The following PPP1R42 variants were observed in gnomAD, a reference collection of about 807,000 sequenced individuals.
PPP1R42 encodes leucine rich repeat containing 67.
A neutral mutation model predicts 31.0 loss-of-function variants in PPP1R42; 34 were observed. The ratio of observed to expected loss-of-function variants is 1.10; its 90% confidence interval spans 0.83 to 1.46. The LOEUF (loss-of-function observed/expected upper bound fraction) is 1.46, where lower values mean the gene tolerates loss of function less well. PPP1R42 is among the 40% of genes most tolerant of loss of function. The pLI is 0.00. For synonymous variants in PPP1R42, 103 were observed against 109.8 expected (o/e 0.94, Z 0.39); for missense variants, 268 against 303.0 (o/e 0.88, Z 0.86).
In PPP1R42 at chr8:66,970,985, T is replaced by C. The variant is rs569324354; in HGVS notation, c.803-6651A>G. 84 of 1,519,902 alleles carry C rather than the reference T, an allele frequency of 5.5e-5. No individual in the cohort carries two copies. The Middle Eastern group carries it at 6.7e-4, about 12-fold the overall frequency. 94.2% of individuals were successfully genotyped at this position (1,519,902 alleles called of 1,614,324 possible). A position where few individuals can be genotyped will look rare whatever the true frequency, so the allele number is the denominator to read the frequency against. ...TAAATATTTGAAAGAACCTACCCCA[T>C]CTCTTAAATAATTTTAGTGTAATCT... On this transcript the variant is annotated intron_variant, in intron 7 of 7. Transcript: ENST00000685739.
At position 67,003,094 on chromosome 8, in the gene PPP1R42, A is replaced by T. The variant is rs559712549; in HGVS notation, c.552+7621T>A. Among the ~76,000 whole-genome samples the T allele has an allele frequency of 1.4e-4, 20 of 143,596 alleles. No homozygotes were observed. The East Asian group carries it at 4.2e-3, about 30-fold the overall frequency. 94.2% of individuals were successfully genotyped at this position (143,596 alleles called of 152,430 possible). On this transcript the variant is annotated intron_variant, in intron 5 of 7. Transcript: ENST00000685739. ...GGCAAGAGAATCTTTTGAACCCCGG[A>T]GGCGGAGGTTGCAGTGAGCTGAGAT...
intron 7 of PPP1R42, among the ~76,000 whole-genome samples, chr8:66,977,643 C>T (rs1489857554): frequency 6.6e-6 from 1 of 152,036 alleles, no homozygotes; most frequent in East Asian, 1.9e-4. Context: ...GTAGCTGAGA[C>T]TACAGGTGTG....
chr8:67,001,551 T>C (rs1815492032), intron 5 of PPP1R42, among the ~76,000 whole-genome samples: 1 of 151,844 alleles, frequency 6.6e-6, no homozygotes, highest in Non-Finnish European at 1.5e-5. Context: ...TTTTGTGACA[T>C]TTGAGTTTCC....
chr8:67,022,781 C>G (rs911404221), intron 1 of PPP1R42, among the ~76,000 whole-genome samples: 3 of 151,928 alleles, frequency 2.0e-5, no homozygotes, highest in African/African-American at 7.3e-5. Flanking sequence ...TGGTTCTTTT[C>G]TCTTCCATTA....
chr8:66,994,224 C>A (rs1008832802), intron 5 of PPP1R42, among the ~76,000 whole-genome samples: 4 of 152,042 alleles, frequency 2.6e-5, no homozygotes, highest in African/African-American at 9.7e-5. Context: ...GCTTGGCTAC[C>A]CAGCTTCTTA....
intron 5 of PPP1R42, among the ~76,000 whole-genome samples, chr8:67,003,950 C>T (rs529668142): frequency 4.6e-5 from 7 of 152,070 alleles, no homozygotes; most frequent in Non-Finnish European, 1.0e-4. Flanking sequence ...ATTAGCCGGG[C>T]GTGGTGGCGG....
At chr8:67,023,665 T>C (rs1359134228) in intron 1 of PPP1R42, among the ~76,000 whole-genome samples, 2 of 152,166 alleles carry the variant, frequency 1.3e-5, no homozygotes, top group African/African-American at 2.4e-5. Context: ...CTCTTTTTTT[T>C]CTTTTTTATT....
chr8:66,978,917 T>G (rs1362846994), intron 7 of PPP1R42, among the ~76,000 whole-genome samples: 1 of 152,220 alleles, frequency 6.6e-6, no homozygotes, highest in African/African-American at 2.4e-5. Flanking sequence ...GTTGTTTTTT[T>G]GCTTTTGAGA....
intron 5 of PPP1R42, among the ~76,000 whole-genome samples, chr8:66,995,720 A>T (rs1815315642): frequency 6.6e-6 from 1 of 152,198 alleles, no homozygotes; most frequent in Non-Finnish European, 1.5e-5. Context: ...TATTTAAATT[A>T]TGTTAAAAAA....
chr8:67,017,193 G>C, intron 2 of PPP1R42, among the ~76,000 whole-genome samples: 1 of 151,962 alleles, frequency 6.6e-6, no homozygotes, highest in East Asian at 1.9e-4. Context: ...GTTAAATAAG[G>C]CCGAGTGCAG....
At chr8:66,984,069 CAG>C in intron 6 of PPP1R42, 1 of 1,474,846 alleles carries the variant, frequency 6.8e-7, no homozygotes, top group Non-Finnish European at 9.4e-7. Context: ...GGTTGGGAAA[CAG>C]AATAAGTGAG....
chr8:67,002,009 T>G (rs1230298866), intron 5 of PPP1R42, among the ~76,000 whole-genome samples: 2 of 152,206 alleles, frequency 1.3e-5, no homozygotes, highest in South Asian at 4.1e-4. Flanking sequence ...TTGCCTTCAT[T>G]TTTTTGAAGG....
At chr8:67,006,860 C>T (rs962408213) in intron 5 of PPP1R42, among the ~76,000 whole-genome samples, 1 of 151,000 alleles carries the variant, frequency 6.6e-6, no homozygotes, top group African/African-American at 2.4e-5. Flanking sequence ...CATTCTCCTG[C>T]CTCAGCCTCC....
At chr8:67,003,753 G>C (rs1190979054) in intron 5 of PPP1R42, among the ~76,000 whole-genome samples, 3 of 151,962 alleles carry the variant, frequency 2.0e-5, no homozygotes, top group African/African-American at 7.3e-5. Flanking sequence ...TATTCTTCCT[G>C]GACATATGTT....
intron 6 of PPP1R42, chr8:66,984,630 C>A: frequency 7.6e-7 from 1 of 1,313,950 alleles, no homozygotes; most frequent in African/African-American, 1.5e-5. Context: ...ATGTCTTAAG[C>A]TTTTAAATTT....
intron 4 of PPP1R42, among the ~76,000 whole-genome samples, chr8:67,011,496 G>A (rs868530050): frequency 6.6e-6 from 1 of 152,194 alleles, no homozygotes; most frequent in Non-Finnish European, 1.5e-5. Flanking sequence ...CTGGGCGACA[G>A]AACAAAACTC....
chr8:66,974,444 C>T (rs1414046738), intron 7 of PPP1R42, among the ~76,000 whole-genome samples: 2 of 152,038 alleles, frequency 1.3e-5, no homozygotes, highest in African/African-American at 4.8e-5. Flanking sequence ...ATCTCAGCTA[C>T]TCGGGAGGCT....
At chr8:67,024,118 C>A (rs1816312059) in intron 1 of PPP1R42, among the ~76,000 whole-genome samples, 1 of 151,570 alleles carries the variant, frequency 6.6e-6, no homozygotes, top group South Asian at 2.1e-4. Context: ...TGCACTCCAG[C>A]CTGGCGACAG....
intron 7 of PPP1R42, among the ~76,000 whole-genome samples, chr8:66,981,048 A>C (rs1297896134): frequency 6.6e-6 from 1 of 151,746 alleles, no homozygotes; most frequent in Non-Finnish European, 1.5e-5. Context: ...CACCGTGTTG[A>C]CCAGGATGGT....
Sources: gnomAD v4.1 joint callset for allele counts (sites outside exome capture counted in the v4.1 genomes callset) on GRCh38, gnomAD v4.1.1 for gene constraint, MANE v1.5 for transcripts, NCBI Gene and HGNC (gene_info 2026-07-23, HGNC 2026-07-21) for gene names.